Variants in NEMP2 observed in about 807,000 individuals in gnomAD.
NEMP2 encodes nuclear envelope integral membrane protein 2, also known as UPF0571 transmembrane protein.
NEMP2 carries 53 observed loss-of-function variants against 54.2 expected under a neutral mutation model. That is an observed-to-expected ratio of 0.98 (90% confidence interval 0.78 to 1.23). The LOEUF is 1.23. Ranked by LOEUF, NEMP2 falls within the 50% of genes most tolerant of loss-of-function variation. The pLI, the probability that NEMP2 is intolerant of heterozygous loss-of-function variation, is 0.00. For missense variants in NEMP2, 455 were observed against 511.3 expected (o/e 0.89, Z 1.06); for synonymous variants, 197 against 190.3 (o/e 1.04, Z -0.29).
chr2:190,634,483 T>C, the NEMP2 span, among the ~76,000 whole-genome samples: 1 of 152,210 alleles, frequency 6.6e-6, no homozygotes, highest in South Asian at 2.1e-4. The surrounding 1 kb of genome is among the most constrained non-coding windows in gnomAD (Gnocchi z 6.8). Context: ...GCAAGTAGCT[T>C]ATGAAACAAG....
At chr2:190,588,750 A>C in the NEMP2 span, among the ~76,000 whole-genome samples, 1 of 152,164 alleles carries the variant, frequency 6.6e-6, no homozygotes, top group African/African-American at 2.4e-5. This position sits in a 1 kb window ranked among gnomAD's most constrained non-coding sequence, Gnocchi z 5.0. Context: ...AGAGCTGTCC[A>C]AAGCCCTCAT....
the NEMP2 span, among the ~76,000 whole-genome samples, chr2:190,623,998 G>A: frequency 2.0e-5 from 3 of 152,132 alleles, no homozygotes; most frequent in Admixed American, 2.0e-4. Context: ...TAAAGAATGG[G>A]CAGAGCCAGG....
In NEMP2 at chr2:190,514,756, T is replaced by TA; in HGVS notation, c.728-79dup. The stretch of plus-strand genomic sequence containing the variant: ...TGAAAAACCTGGCAGAGCCTTGACT[T>TA]AAAGGTAAAAACTATTAGAGAACCT... On this transcript the variant is annotated intron_variant, in intron 6 of 8. Coordinates refer to ENST00000409150, the MANE Select transcript of NEMP2 (RefSeq NM_001142645.2). The surrounding 1 kb of genome is among the most constrained non-coding windows in gnomAD (Gnocchi z 5.7). 1.5e-6 allele frequency: 2 copies of TA among 1,367,118 alleles called. No homozygotes were observed. Among genetic ancestry groups the TA allele is most frequent in the Admixed American group, 2.2e-5 (1 of 46,322 alleles). The allele number at this position is 1,367,118 out of a possible 1,614,324, so 84.7% of individuals were successfully genotyped here. A position where few individuals can be genotyped will look rare whatever the true frequency, so the allele number is the denominator to read the frequency against.
At chr2:190,546,704 G>T in the NEMP2 span, among the ~76,000 whole-genome samples, 1 of 151,908 alleles carries the variant, frequency 6.6e-6, no homozygotes, top group Non-Finnish European at 1.5e-5. The surrounding 1 kb of genome is among the most constrained non-coding windows in gnomAD (Gnocchi z 5.1). Flanking sequence ...TGATTTATAG[G>T]TCCTGTCCTT....
the NEMP2 span, among the ~76,000 whole-genome samples, chr2:190,587,122 G>A: frequency 2.0e-5 from 3 of 152,112 alleles, no homozygotes; most frequent in Non-Finnish European, 2.9e-5. This position sits in a 1 kb window ranked among gnomAD's most constrained non-coding sequence, Gnocchi z 5.4. Flanking sequence ...TGTCCTGATC[G>A]AGACACTTTT....
chr2:190,427,229 C>T, the NEMP2 span, among the ~76,000 whole-genome samples: 1 of 152,314 alleles, frequency 6.6e-6, no homozygotes, highest in East Asian at 1.9e-4. Context: ...CTCATTACTG[C>T]CTAGCAGGGA....
At chr2:190,534,493 C>T in intron 1 of NEMP2, 66 bp downstream of exon 1, 4 of 1,314,802 alleles carry the variant, frequency 3.0e-6, no homozygotes, top group Non-Finnish European at 2.9e-6. Context: ...AGCGCGCCCT[C>T]AGGGCAGCCG....
upstream of NEMP2, among the ~76,000 whole-genome samples, chr2:190,537,063 T>C (rs1427260681): frequency 3.3e-5 from 5 of 152,168 alleles, no homozygotes; most frequent in Admixed American, 6.5e-5. Context: ...AAATGACCCA[T>C]ATATTGGGCT....
Position 190,509,293 on chromosome 2 carries a change from C to T in NEMP2, c.1150G>A (p.Gly384Arg). The change falls in exon 9 of 9, where the codon GGA becomes AGA. Residue 384 changes from glycine to arginine, a missense_variant. Coordinates refer to ENST00000409150, the MANE Select transcript of NEMP2 (RefSeq NM_001142645.2). The surrounding 1 kb of genome is among the most constrained non-coding windows in gnomAD (Gnocchi z 6.1). ...TPSKFADFVL[G>R]GSHLSPEEIS... Reference sequence around the variant, plus strand: ...TCTTCAGGTGACAAGTGGCTTCCTCCAAGAACAAAGTCTGCAAATCTAACA... The same window carrying T: ...TCTTCAGGTGACAAGTGGCTTCCTCTAAGAACAAAGTCTGCAAATCTAACA... The T allele has an allele frequency of 1.9e-6, 3 of 1,551,698 alleles. No homozygotes were observed. The highest frequency in any genetic ancestry group is 1.7e-6 in the Non-Finnish European group (2 of 1,146,982).
the NEMP2 span, among the ~76,000 whole-genome samples, chr2:190,554,224 G>A: frequency 6.6e-6 from 1 of 152,162 alleles, no homozygotes; most frequent in Non-Finnish European, 1.5e-5. This position sits in a 1 kb window ranked among gnomAD's most constrained non-coding sequence, Gnocchi z 5.7. Context: ...ACAAAACTGG[G>A]CAGCTGTTTG....
the NEMP2 span, among the ~76,000 whole-genome samples, chr2:190,495,872 C>A: frequency 1.3e-5 from 2 of 152,092 alleles, no homozygotes; most frequent in African/African-American, 4.8e-5. The surrounding 1 kb of genome is among the most constrained non-coding windows in gnomAD (Gnocchi z 4.7). Flanking sequence ...AAATCTAAGA[C>A]CTGAAACTTA....
chr2:190,548,268 T>G, the NEMP2 span, among the ~76,000 whole-genome samples: 1 of 152,212 alleles, frequency 6.6e-6, no homozygotes, highest in African/African-American at 2.4e-5. Flanking sequence ...CACTAATGTT[T>G]AAAACAATCC....
the NEMP2 span, among the ~76,000 whole-genome samples, chr2:190,588,821 G>A: frequency 6.6e-6 from 1 of 152,260 alleles, no homozygotes; most frequent in African/African-American, 2.4e-5. The surrounding 1 kb of genome is among the most constrained non-coding windows in gnomAD (Gnocchi z 5.0). Flanking sequence ...ACCCTTATCA[G>A]AGGTGGCTGA....
chr2:190,481,221 T>A, the NEMP2 span, among the ~76,000 whole-genome samples: 1 of 152,244 alleles, frequency 6.6e-6, no homozygotes, highest in Non-Finnish European at 1.5e-5. Context: ...GCCAAAGGCA[T>A]AATGCCAGCA....
At chr2:190,434,139 C>T in the NEMP2 span, among the ~76,000 whole-genome samples, 2 of 151,004 alleles carry the variant, frequency 1.3e-5, no homozygotes, top group Admixed American at 1.3e-4. The surrounding 1 kb of genome is among the most constrained non-coding windows in gnomAD (Gnocchi z 4.3). Flanking sequence ...CATAATTACA[C>T]CACTGCACTC....
At chr2:190,592,179 C>T in the NEMP2 span, among the ~76,000 whole-genome samples, 1 of 152,122 alleles carries the variant, frequency 6.6e-6, no homozygotes, top group African/African-American at 2.4e-5. This position sits in a 1 kb window ranked among gnomAD's most constrained non-coding sequence, Gnocchi z 4.4. Flanking sequence ...TGAATTTCAG[C>T]TCTGCCATTA....
chr2:190,577,838 A>G, the NEMP2 span, among the ~76,000 whole-genome samples: 1 of 152,194 alleles, frequency 6.6e-6, no homozygotes, highest in Non-Finnish European at 1.5e-5. This position sits in a 1 kb window ranked among gnomAD's most constrained non-coding sequence, Gnocchi z 4.8. Flanking sequence ...GCACCACTGC[A>G]CTCCAGCCTG....
At chr2:190,515,888 T>G (rs541758156) in intron 6 of NEMP2, among the ~76,000 whole-genome samples, 23 of 152,338 alleles carry the variant, frequency 1.5e-4, no homozygotes, top group African/African-American at 5.0e-4. Context: ...TTCTCACCTT[T>G]CCTAATGAAT....
the NEMP2 span, among the ~76,000 whole-genome samples, chr2:190,589,489 G>A: frequency 6.6e-6 from 1 of 152,108 alleles, no homozygotes; most frequent in Non-Finnish European, 1.5e-5. This position sits in a 1 kb window ranked among gnomAD's most constrained non-coding sequence, Gnocchi z 4.3. Flanking sequence ...TAGCATCTAG[G>A]CTTTACCAGT....
Sources: gnomAD v4.1 joint callset for allele counts (sites outside exome capture counted in the v4.1 genomes callset) on GRCh38, gnomAD v4.1.1 for gene constraint, Gnocchi (gnomAD v3.1) non-coding constraint, MANE v1.5 for transcripts, NCBI Gene and HGNC (gene_info 2026-07-23, HGNC 2026-07-21) for gene names.